Variants in ITGB8 observed in about 807,000 individuals in gnomAD.
ITGB8 encodes integrin beta-8.
A neutral mutation model predicts 89.5 loss-of-function variants in ITGB8; 30 were observed. The observed-to-expected ratio is 0.34, with a 90% CI of 0.25 to 0.45. The LOEUF is 0.45. ITGB8 is among the 20% of genes least tolerant of loss of function. The probability of loss-of-function intolerance (pLI) is 1.00; values close to 1 mark genes in which losing one functional copy is unlikely to be tolerated. For missense variants in ITGB8, 836 were observed against 933.3 expected (o/e 0.90, Z 1.36); for synonymous variants, 335 against 320.4 (o/e 1.05, Z -0.49).
At chr7:20,378,685 G>C (rs576069519) in intron 3 of ITGB8, among the ~76,000 whole-genome samples, 5 of 151,834 alleles carry the variant, frequency 3.3e-5, no homozygotes, top group Non-Finnish European at 5.9e-5. Flanking sequence ...ATCGAATGCC[G>C]CTTGCTGGTT....
chr7:20,404,882 C>G (rs1227487792), intron 11 of ITGB8, 29 bp downstream of exon 11: 1 of 1,583,626 alleles, frequency 6.3e-7, no homozygotes, highest in Admixed American at 1.7e-5. Flanking sequence ...CAAACATACA[C>G]AAAGAATAGC....
chr7:20,336,162 C>T (rs550806671), intron 1 of ITGB8, among the ~76,000 whole-genome samples: 20 of 151,968 alleles, frequency 1.3e-4, no homozygotes, highest in African/African-American at 2.4e-5. Flanking sequence ...CCCGCCACCA[C>T]GCCCGGCTAA....
chr7:20,390,389 T>C (rs1159993243), intron 6 of ITGB8, among the ~76,000 whole-genome samples: 1 of 152,090 alleles, frequency 6.6e-6, no homozygotes, highest in Non-Finnish European at 1.5e-5. Context: ...GAAGAGTATT[T>C]ATAGAAAAAA....
Position 20,406,093 on chromosome 7 carries a change from T to A in ITGB8, c.1945T>A (p.Leu649Met). Residue 649 changes from leucine (L) to methionine (M), a missense_variant, in exon 12 of 14, where the codon TTG becomes ATG. Physicochemically the swap from Leu to Met is conservative, Grantham distance 15 (BLOSUM62 2). Coordinates refer to ENST00000222573, the MANE Select transcript of ITGB8 (RefSeq NM_002214.3). Reference sequence around the variant, plus strand: ...TATGCAATGCCTTCACCCTCACAATTTGTCTCAGGCTATACTTGATCAGTG... The same window carrying A: ...TATGCAATGCCTTCACCCTCACAATATGTCTCAGGCTATACTTGATCAGTG... The part of the protein sequence containing the change: ...NCMQCLHPHN[L>M]SQAILDQCKT... The A allele has an allele frequency of 6.2e-7, 1 of 1,612,452 alleles. No homozygotes were observed. The highest frequency in any genetic ancestry group is 8.5e-7 in the Non-Finnish European group (1 of 1,178,472).
At chr7:20,359,323 TATTA>T (rs1315678879) in intron 1 of ITGB8, among the ~76,000 whole-genome samples, 1 of 152,208 alleles carries the variant, frequency 6.6e-6, no homozygotes, top group African/African-American at 2.4e-5. Flanking sequence ...AAATAATCCT[TATTA>T]AAATGCAGTG....
intron 2 of ITGB8, chr7:20,364,915 C>T (rs908726237): frequency 6.6e-6 from 1 of 152,220 alleles, no homozygotes; most frequent in Non-Finnish European, 1.5e-5. Context: ...TACTGCTTCA[C>T]TAAGGAAAAT....
In ITGB8 at chr7:20,414,574, A is replaced by C. The variant is rs910988983; in HGVS notation, c.*4577A>C. The C allele has an allele frequency of 2.0e-5, 3 of 152,596 alleles. No homozygotes were observed. Among genetic ancestry groups the C allele is most frequent in the Admixed American group, 6.5e-5 (1 of 15,272 alleles). The allele number at this position is 152,596 out of a possible 1,614,324, so 9.5% of individuals were successfully genotyped here. A position where few individuals can be genotyped will look rare whatever the true frequency, so the allele number is the denominator to read the frequency against. ...CATGTCTTGTATCAATGGCAGGAGAAAAATATGATAAAAACAATCAGTGCT... is the reference window on the plus strand; with the variant it reads ...CATGTCTTGTATCAATGGCAGGAGACAAATATGATAAAAACAATCAGTGCT... On this transcript the variant is annotated 3_prime_UTR_variant, in exon 14 of 14. Transcript: ENST00000222573.
intron 3 of ITGB8, among the ~76,000 whole-genome samples, chr7:20,377,873 G>A (rs920102894): frequency 2.0e-5 from 3 of 152,156 alleles, no homozygotes; most frequent in Non-Finnish European, 4.4e-5. Context: ...CATCTGATTT[G>A]TGAAATAATC....
At chr7:20,402,565 T>C (rs972102221) in intron 10 of ITGB8, among the ~76,000 whole-genome samples, 1 of 152,220 alleles carries the variant, frequency 6.6e-6, no homozygotes, top group African/African-American at 2.4e-5. Context: ...AAGAGTATAC[T>C]TTTCATTCAT....
chr7:20,404,078 G>A (rs1401746309), intron 10 of ITGB8, among the ~76,000 whole-genome samples: 2 of 152,074 alleles, frequency 1.3e-5, no homozygotes. Context: ...ACTAAATAGT[G>A]CACTGAGGAT....
chr7:20,354,553 G>A (rs1217199777), intron 1 of ITGB8, among the ~76,000 whole-genome samples: 1 of 152,118 alleles, frequency 6.6e-6, no homozygotes, highest in Non-Finnish European at 1.5e-5. Flanking sequence ...GAGTAAACGA[G>A]CAGATACAGG....
intron 10 of ITGB8, among the ~76,000 whole-genome samples, 182 bp from the exon 11 acceptor site, chr7:20,404,446 T>C (rs569813200): frequency 2.0e-5 from 3 of 152,302 alleles, no homozygotes; most frequent in Non-Finnish European, 4.4e-5. Context: ...GTAGAACAGC[T>C]TTGAAAACAG....
Position 20,402,063 on chromosome 7 carries a change from T to G in ITGB8, c.1624T>G (p.Tyr542Asp). The G allele has an allele frequency of 1.2e-6, 2 of 1,614,144 alleles. No individual in the cohort carries two copies. Among genetic ancestry groups the G allele is most frequent in the Non-Finnish European group, 1.7e-6 (2 of 1,179,992 alleles). Residue 542 changes from tyrosine (Y) to aspartate (D), a missense_variant, in exon 10 of 14, where the codon TAT becomes GAT. By Grantham distance (160) the Tyr-to-Asp change is radical. Transcript: ENST00000222573. ...TCACAAAATTAAGCTTGGAAAAGTGTATGGAAAATACTGTGAAAAGGATGA... is the reference window on the plus strand; with the variant it reads ...TCACAAAATTAAGCTTGGAAAAGTGGATGGAAAATACTGTGAAAAGGATGA... ...SCHKIKLGKV[Y>D]GKYCEKDDFS...
rs556154140 is a variant in ITGB8 at position 20,335,243 on chromosome 7, T to C, written c.127+3310T>C. On this transcript the variant is annotated intron_variant, in intron 1 of 13. Transcript: ENST00000222573. ...AAACTGAAACTTAGGGCAACAAGAA[T>C]GTTCACAATTTTTAAGGGAAGCAAT... Among the ~76,000 whole-genome samples the C allele has an allele frequency of 5.3e-4, 81 of 152,308 alleles. 1 individual carries two copies. In the South Asian group the frequency reaches 0.017, roughly 31 times the overall value.
At chr7:20,374,462 A>G (rs563508821) in intron 3 of ITGB8, among the ~76,000 whole-genome samples, 5 of 147,602 alleles carry the variant, frequency 3.4e-5, no homozygotes, top group African/African-American at 1.3e-4. Context: ...TACATAGATT[A>G]CCTTATTTAG....
rs71020629 is a variant in ITGB8 at position 20,360,348 on chromosome 7, A to AT, written c.128-3276dup. On this transcript the variant is annotated intron_variant, in intron 1 of 13. Coordinates refer to ENST00000222573, the MANE Select transcript of ITGB8 (RefSeq NM_002214.3). ...CCTTCCATGAGACTACAGTCCTTTA[A>AT]TTTTTTTTTTTTTACTTGAGTAGCG... Among the ~76,000 whole-genome samples the AT allele has an allele frequency of 1.6e-4, 20 of 127,714 alleles. 1 individual carries two copies. Among genetic ancestry groups the AT allele is most frequent in the Admixed American group, 5.6e-4 (7 of 12,396 alleles). 83.8% of individuals were successfully genotyped at this position (127,714 alleles called of 152,430 possible). A position where few individuals can be genotyped will look rare whatever the true frequency, so the allele number is the denominator to read the frequency against.
At chr7:20,361,963 G>A (rs1181224188) in intron 1 of ITGB8, among the ~76,000 whole-genome samples, 9 of 152,158 alleles carry the variant, frequency 5.9e-5, no homozygotes, top group Admixed American at 5.9e-4. Context: ...TAAAGTGAAG[G>A]ACAAGGCATA....
At chr7:20,341,845 A>C (rs1351750471) in intron 1 of ITGB8, among the ~76,000 whole-genome samples, 2 of 151,952 alleles carry the variant, frequency 1.3e-5, no homozygotes, top group Non-Finnish European at 2.9e-5. Context: ...GTCAGACATC[A>C]GGGCTTTTTG....
At chr7:20,386,049 A>G (rs971561238) in intron 6 of ITGB8, among the ~76,000 whole-genome samples, 1 of 152,192 alleles carries the variant, frequency 6.6e-6, no homozygotes, top group Admixed American at 6.5e-5. Context: ...GGTTTGTCTC[A>G]GATGCATACT....
Sources: allele counts gnomAD v4.1 joint callset (sites outside exome capture counted in the v4.1 genomes callset), GRCh38; gene constraint gnomAD v4.1.1; transcripts MANE v1.5; gene names NCBI Gene and HGNC (gene_info 2026-07-23, HGNC 2026-07-21).